Variants in ALOX5AP observed in about 807,000 individuals in gnomAD.
ALOX5AP encodes the protein arachidonate 5-lipoxygenase activating protein.
A neutral mutation model predicts 18.5 loss-of-function variants in ALOX5AP; 9 were observed. That is an observed-to-expected ratio of 0.49 (90% CI 0.29 to 0.85). ALOX5AP has a LOEUF of 0.85. ALOX5AP is among the 40% of genes least tolerant of loss of function. ALOX5AP has a pLI of 0.08. For missense variants in ALOX5AP, 172 were observed against 202.5 expected (o/e 0.85, Z 0.91); for synonymous variants, 81 against 78.6 (o/e 1.03, Z -0.16).
intron 1 of ALOX5AP, among the ~76,000 whole-genome samples, chr13:30,736,546 ATGG>A (rs1951723530): frequency 1.3e-5 from 2 of 152,244 alleles, no homozygotes; most frequent in Admixed American, 1.3e-4. Flanking sequence ...CTGTAGCTTT[ATGG>A]TGATTACTGA....
chr13:30,734,564 C>A (rs1010193874), upstream of ALOX5AP, among the ~76,000 whole-genome samples: 11 of 152,208 alleles, frequency 7.2e-5, no homozygotes, highest in African/African-American at 2.7e-4. Context: ...CTGCAGAATA[C>A]CAGGCAGCCA....
chr13:30,722,421 T>C (rs1951601374), intron 1 of ALOX5AP, among the ~76,000 whole-genome samples: 1 of 152,244 alleles, frequency 6.6e-6, no homozygotes, highest in Non-Finnish European at 1.5e-5. Context: ...CTATTTTATT[T>C]TTTTTTGTTT....
At chr13:30,728,592 T>C (rs1027172323) in intron 1 of ALOX5AP, among the ~76,000 whole-genome samples, 12 of 152,202 alleles carry the variant, frequency 7.9e-5, no homozygotes, top group Non-Finnish European at 1.2e-4. Context: ...ATATGGTAAG[T>C]GTATGTTTAG....
intron 1 of ALOX5AP, among the ~76,000 whole-genome samples, chr13:30,739,113 T>G (rs1214740637): frequency 6.6e-6 from 1 of 151,976 alleles, no homozygotes. Flanking sequence ...ACCGGCTGCT[T>G]CTTCCTGAAC....
intron 1 of ALOX5AP, among the ~76,000 whole-genome samples, chr13:30,724,864 A>C (rs556242772): frequency 6.6e-6 from 1 of 152,356 alleles, no homozygotes; most frequent in African/African-American, 2.4e-5. Flanking sequence ...AAGAGCAAGT[A>C]GTACAGGCGC....
At chr13:30,747,489 A>T (rs1951818718) in intron 2 of ALOX5AP, among the ~76,000 whole-genome samples, 1 of 152,152 alleles carries the variant, frequency 6.6e-6, no homozygotes, top group African/African-American at 2.4e-5. Context: ...CATGTATAAA[A>T]CACAGTTTAA....
At chr13:30,746,736 A>G (rs17216508) in intron 2 of ALOX5AP, among the ~76,000 whole-genome samples, 11,005 of 152,308 alleles carry the variant, frequency 0.072, 597 homozygotes, top group African/African-American at 0.14. Context: ...TAATCTTGCT[A>G]TCTGAAAAGT....
chr13:30,716,623 T>A (rs1951552607), intron 1 of ALOX5AP, among the ~76,000 whole-genome samples: 1 of 152,180 alleles, frequency 6.6e-6, no homozygotes, highest in Non-Finnish European at 1.5e-5. Flanking sequence ...CAATGAGCCA[T>A]CCTCCCTTGT....
At chr13:30,741,656 G>A (rs530063980) in intron 1 of ALOX5AP, among the ~76,000 whole-genome samples, 78 of 149,164 alleles carry the variant, frequency 5.2e-4, no homozygotes, top group African/African-American at 1.6e-3. Context: ...TGATCTACCC[G>A]CTTCAGCCTC....
intron 1 of ALOX5AP, among the ~76,000 whole-genome samples, chr13:30,714,274 C>T (rs1023282706): frequency 1.3e-5 from 2 of 150,306 alleles, no homozygotes; most frequent in Admixed American, 1.3e-4. Context: ...CAGCATCTCT[C>T]TGTTCCATTG....
intron 1 of ALOX5AP, among the ~76,000 whole-genome samples, chr13:30,736,278 CAGAA>C (rs1451809844): frequency 4.0e-5 from 6 of 151,162 alleles, no homozygotes; most frequent in African/African-American, 1.2e-4. Flanking sequence ...GTGTATACTT[CAGAA>C]AGAGAGAGAG....
rs1245911587 is a variant in ALOX5AP at position 30,752,066 on chromosome 13, A to T, written c.185A>T (p.Asp62Val). 6.2e-7 allele frequency: 1 copy of T among 1,613,984 alleles called. No individual in the cohort carries two copies. The highest frequency in any genetic ancestry group is 2.2e-5 in the East Asian group (1 of 44,892). ...RVYTANQNCV[D>V]AYPTFLAVLW... Reference sequence around the variant, plus strand: ...TTATTCTGCAGCCAGAACTGTGTAGATGCGTACCCCACTTTCCTCGCTGTG... The same window carrying T: ...TTATTCTGCAGCCAGAACTGTGTAGTTGCGTACCCCACTTTCCTCGCTGTG... The change falls in exon 3 of 5, where the codon GAT (aspartate) becomes GTT (valine). Residue 62 changes from aspartate to valine, a missense_variant. Asp to Val is a radical substitution (Grantham distance 152). Coordinates refer to ENST00000380490, the MANE Select transcript of ALOX5AP (RefSeq NM_001629.4).
chr13:30,751,976 C>G, intron 2 of ALOX5AP, 76 bp from the exon 3 acceptor site: 1 of 1,368,014 alleles, frequency 7.3e-7, no homozygotes, highest in Non-Finnish European at 1.0e-6. Flanking sequence ...TTAACTTCAA[C>G]TTTCAGGTAA....
At chr13:30,733,747 G>A (rs77227090), upstream of ALOX5AP, among the ~76,000 whole-genome samples, 395 of 152,320 alleles carry the variant, frequency 2.6e-3, 1 homozygote, top group African/African-American at 9.2e-3. Flanking sequence ...GGCCTGAATA[G>A]AACAAAAAGC....
chr13:30,760,377 T>C (rs1031669383), intron 4 of ALOX5AP, among the ~76,000 whole-genome samples: 10 of 152,150 alleles, frequency 6.6e-5, no homozygotes, highest in Admixed American at 6.5e-4. Flanking sequence ...ATTATAGGCA[T>C]GAGCCACCCA....
exon 1 of ALOX5AP, chr13:30,713,640 A>T (rs992813173): frequency 3.2e-5 from 30 of 946,192 alleles, no homozygotes; most frequent in Non-Finnish European, 4.2e-5. Context: ...GAAGAGGAGG[A>T]CCCTGTCACA....
intron 4 of ALOX5AP, among the ~76,000 whole-genome samples, chr13:30,760,130 A>G (rs544321652): frequency 2.6e-5 from 4 of 152,298 alleles, no homozygotes; most frequent in Admixed American, 1.3e-4. Flanking sequence ...TATTTTCTTT[A>G]GAGGTCACCA....
chr13:30,733,874 T>C (rs1200644837), upstream of ALOX5AP, among the ~76,000 whole-genome samples: 1 of 149,670 alleles, frequency 6.7e-6, no homozygotes, highest in African/African-American at 2.5e-5. Flanking sequence ...CTTGCACCAT[T>C]GCCCTCCATC....
chr13:30,747,845 A>G (rs1254660050), intron 2 of ALOX5AP, among the ~76,000 whole-genome samples: 1 of 151,956 alleles, frequency 6.6e-6, no homozygotes, highest in Non-Finnish European at 1.5e-5. Flanking sequence ...TGTTTTTGGA[A>G]TACCACCCTC....
Sources: gnomAD v4.1 joint callset for allele counts (sites outside exome capture counted in the v4.1 genomes callset) on GRCh38, gnomAD v4.1.1 for gene constraint, MANE v1.5 for transcripts, NCBI Gene and HGNC (gene_info 2026-07-23, HGNC 2026-07-21) for gene names.